CANX: variants seen among roughly 807,000 people sequenced by gnomAD.
The protein encoded by CANX is calnexin, also known as epididymis secretory sperm binding protein.
CANX carries 14 observed loss-of-function variants against 75.7 expected under a neutral mutation model. The ratio of observed to expected loss-of-function variants is 0.19; its 90% CI spans 0.12 to 0.29. The LOEUF is 0.29. Among genes scored for constraint, CANX ranks in the 10% least tolerant of loss-of-function variants. The pLI, the probability that CANX is intolerant of heterozygous loss-of-function variation, is 1.00. For synonymous variants in CANX, 227 were observed against 236.9 expected, an observed-to-expected ratio of 0.96 and a Z score of 0.38; for missense variants, 567 against 713.2, an observed-to-expected ratio of 0.79 and a Z score of 2.34.
At chr5:179,726,785 GT>G in intron 14 of CANX, 26 bp downstream of exon 14, 1 of 1,518,442 alleles carries the variant, frequency 6.6e-7, no homozygotes. Flanking sequence ...CACACATTTT[GT>G]TTTACCAAGC....
intron 1 of CANX, among the ~76,000 whole-genome samples, chr5:179,690,381 G>A (rs1776278492): frequency 6.6e-6 from 1 of 151,446 alleles, no homozygotes; most frequent in Admixed American, 6.6e-5. Context: ...TTCAAGACCA[G>A]CCTGGCCAAC....
intron 1 of CANX, among the ~76,000 whole-genome samples, chr5:179,683,322 ATG>A (rs1198922886): frequency 1.6e-4 from 24 of 151,076 alleles, no homozygotes; most frequent in Admixed American, 7.9e-4. Flanking sequence ...TTTAGTAGAG[ATG>A]GGGTTTCACC....
intron 1 of CANX, chr5:179,679,074 A>C: frequency 6.5e-7 from 1 of 1,535,650 alleles, no homozygotes; most frequent in South Asian, 1.2e-5. Context: ...TGATCGGCCC[A>C]AAACTGCTGC....
At chr5:179,678,890 G>C in intron 1 of CANX, 1 of 1,535,462 alleles carries the variant, frequency 6.5e-7, no homozygotes, top group Non-Finnish European at 8.7e-7. Context: ...CTGGCTCTCA[G>C]TGGTCCACCG....
intron 8 of CANX, among the ~76,000 whole-genome samples, chr5:179,716,682 G>C (rs1441235228): frequency 6.6e-6 from 1 of 152,180 alleles, no homozygotes; most frequent in Non-Finnish European, 1.5e-5. Context: ...TCAATTCTCT[G>C]CTGTGGGTTG....
At chr5:179,680,107 G>A (rs1054377716) in intron 1 of CANX, among the ~76,000 whole-genome samples, 8 of 151,900 alleles carry the variant, frequency 5.3e-5, no homozygotes, top group Non-Finnish European at 7.4e-5. Flanking sequence ...CACTGTACCC[G>A]GCAGGGCAGG....
chr5:179,724,956 G>A lies in CANX; in HGVS notation c.1645+173G>A, dbSNP rs117299519. On this transcript the variant is annotated intron_variant, in intron 13 of 14. Transcript: ENST00000247461. ...CACTTGAGCCCAGGAGTTTAAGGCTGTAGTCAGCCAGGATAGTGCCACTGC... is the reference window on the plus strand; with the variant it reads ...CACTTGAGCCCAGGAGTTTAAGGCTATAGTCAGCCAGGATAGTGCCACTGC... Among the ~76,000 whole-genome samples the A allele has an allele frequency of 7.1e-4, 108 of 152,258 alleles. 2 individuals carry two copies. In the East Asian group the frequency reaches 0.019, roughly 27 times the overall value.
chr5:179,703,435 C>T (rs1277094537), intron 1 of CANX, among the ~76,000 whole-genome samples: 2 of 151,740 alleles, frequency 1.3e-5, no homozygotes, highest in African/African-American at 2.4e-5. Flanking sequence ...CCTGGCTGGT[C>T]TCCTGAGCTC....
intron 1 of CANX, among the ~76,000 whole-genome samples, chr5:179,682,357 A>G (rs543963597): frequency 6.6e-6 from 1 of 151,972 alleles, no homozygotes; most frequent in East Asian, 1.9e-4. Flanking sequence ...CAGGCGGATC[A>G]TGAGGTCAGG....
rs1778893774 is a variant in CANX, at chr5:179,729,872, TTA to T, written c.*1230_*1231del. 2 of 152,498 alleles carry T rather than the reference TTA, an allele frequency of 1.3e-5. No individual in the cohort carries two copies. The highest frequency in any genetic ancestry group is 2.9e-5 in the Non-Finnish European group (2 of 68,014). The allele number at this position is 152,498 out of a possible 1,614,324, so 9.4% of individuals were successfully genotyped here. A position where few individuals can be genotyped will look rare whatever the true frequency, so the allele number is the denominator to read the frequency against. On this transcript the variant is annotated 3_prime_UTR_variant, in exon 15 of 15. Coordinates refer to ENST00000247461, the MANE Select transcript of CANX (RefSeq NM_001746.4). ...TGGGAGGAGTGACATGAAGCATGAG[TTA>T]TCTGATTTTTTTTGTAGCTGCTATA...
In CANX at chr5:179,723,745, T is replaced by C. The variant is rs1045386501; in HGVS notation, c.1484T>C (p.Val495Ala). ...VVYILTVALP[V>A]FLVILFCCSG... is the part of the protein sequence containing the mutation. ...TATATTCTAACTGTAGCCCTTCCTG[T>C]GTTCCTGGTTATCCTCTTCTGCTGT... Residue 495 changes from valine to alanine, a missense_variant, in exon 12 of 15, where the codon GTG becomes GCG. This residue lies in a region of CANX where 167 missense variants were observed against 179.3 expected (regional missense o/e 0.93). Transcript: ENST00000247461. The C allele has an allele frequency of 6.2e-7, 1 of 1,613,446 alleles. No individual in the cohort carries two copies. The highest frequency in any genetic ancestry group is 8.5e-7 in the Non-Finnish European group (1 of 1,179,732).
chr5:179,687,108 GAGAC>G (rs1776203499), intron 1 of CANX, among the ~76,000 whole-genome samples: 1 of 150,114 alleles, frequency 6.7e-6, no homozygotes, highest in South Asian at 2.1e-4. Context: ...TTTGTTTTTT[GAGAC>G]ATGCCACCAT....
At chr5:179,693,297 T>A (rs1776333413) in intron 1 of CANX, among the ~76,000 whole-genome samples, 2 of 152,264 alleles carry the variant, frequency 1.3e-5, no homozygotes, top group South Asian at 4.1e-4. Flanking sequence ...ATCAGCACTT[T>A]GGAAGGCTGA....
chr5:179,704,952 C>T (rs1211852300), intron 1 of CANX, among the ~76,000 whole-genome samples: 3 of 151,810 alleles, frequency 2.0e-5, no homozygotes, highest in Non-Finnish European at 2.9e-5. Context: ...TTTGAGCAAC[C>T]GTATCCATAT....
chr5:179,679,478 A>G (rs1775997635), intron 1 of CANX, among the ~76,000 whole-genome samples: 1 of 152,198 alleles, frequency 6.6e-6, no homozygotes, highest in African/African-American at 2.4e-5. Context: ...GCCCTGGGAT[A>G]CATATGCAGA....
intron 1 of CANX, among the ~76,000 whole-genome samples, chr5:179,689,379 GT>G (rs958473912): frequency 7.9e-3 from 661 of 83,642 alleles, no homozygotes; most frequent in African/African-American, 0.027. Context: ...AACCCAACAA[GT>G]TTTTTTTTTT....
At chr5:179,715,905 G>A (rs777714009) in intron 7 of CANX, 200 bp from the exon 8 acceptor site, 43 of 652,250 alleles carry the variant, frequency 6.6e-5, no homozygotes, top group Non-Finnish European at 1.1e-4. Flanking sequence ...TTAGAAAGCC[G>A]AGGGACTAAT....
chr5:179,711,448 A>G (rs1581865079), intron 7 of CANX, among the ~76,000 whole-genome samples: 3 of 151,908 alleles, frequency 2.0e-5, no homozygotes. Flanking sequence ...AACCCAAAAA[A>G]CTTCTTTTCC....
rs1263873885 is a variant in CANX, at chr5:179,699,008, C to T, written c.-98C>T. 2.7e-6 allele frequency: 3 copies of T among 1,114,120 alleles called. No individual in the cohort carries two copies. Among genetic ancestry groups the T allele is most frequent in the African/African-American group, 1.7e-5 (1 of 57,902 alleles). The allele number at this position is 1,114,120 out of a possible 1,614,324, so 69.0% of individuals were successfully genotyped here. A position where few individuals can be genotyped will look rare whatever the true frequency, so the allele number is the denominator to read the frequency against. On this transcript the variant is annotated 5_prime_UTR_variant, in exon 1 of 15. Transcript: ENST00000247461. ...TCTTGGTTCTGCGGCACGTGACGGT[C>T]GGGCCGCCTCCGCCTCTCTCTTTAC...
Sources: allele counts gnomAD v4.1 joint callset (sites outside exome capture counted in the v4.1 genomes callset), GRCh38; gene constraint gnomAD v4.1.1; regional missense constraint gnomAD v4.1.1; transcripts MANE v1.5; gene names NCBI Gene and HGNC (gene_info 2026-07-23, HGNC 2026-07-21).